ACTR3C: variants seen among roughly 807,000 people sequenced by gnomAD.
ACTR3C encodes the protein actin related protein 3C, also known as actin-related protein 3C.
A neutral mutation model predicts 26.3 loss-of-function variants in ACTR3C; 18 were observed. The ratio of observed to expected loss-of-function variants is 0.68; its 90% CI spans 0.47 to 1.01. The LOEUF is 1.01. Ranked by LOEUF, ACTR3C falls within the 50% of genes least tolerant of loss-of-function variation. The probability of loss-of-function intolerance (pLI) is 0.00; values close to 1 mark genes in which losing one functional copy is unlikely to be tolerated. For synonymous variants in ACTR3C, 55 were observed against 94.5 expected (o/e 0.58, Z 2.42); for missense variants, 184 against 250.7 (o/e 0.73, Z 1.80).
chr7:150,098,681 G>GT, the ACTR3C span, among the ~76,000 whole-genome samples: 2 of 151,740 alleles, frequency 1.3e-5, no homozygotes, highest in East Asian at 3.9e-4. Context: ...TACGTAAATG[G>GT]TAAGTACCAA....
the ACTR3C span, among the ~76,000 whole-genome samples, chr7:150,130,861 C>G: frequency 6.6e-6 from 1 of 152,246 alleles, no homozygotes; most frequent in South Asian, 2.1e-4. Context: ...AGGTACTATA[C>G]TGAGAAGGAG....
the ACTR3C span, among the ~76,000 whole-genome samples, chr7:150,164,145 T>C: frequency 1.3e-5 from 2 of 152,142 alleles, no homozygotes; most frequent in Non-Finnish European, 2.9e-5. Flanking sequence ...CAGGGCCTTG[T>C]GAGCTGTTGT....
the ACTR3C span, among the ~76,000 whole-genome samples, chr7:150,039,381 C>A: frequency 6.2e-5 from 6 of 97,026 alleles, no homozygotes; most frequent in Non-Finnish European, 1.3e-4. Context: ...CGATGGGGGT[C>A]CTAAGAACCC....
At chr7:150,219,863 G>A in the ACTR3C span, among the ~76,000 whole-genome samples, 23 of 145,028 alleles carry the variant, frequency 1.6e-4, no homozygotes, top group Admixed American at 2.6e-4. Flanking sequence ...GCCCAGGGGG[G>A]TCTGATTGTG....
chr7:149,945,318 A>ACAGGCTGCAGGGTCTGGGGG, the ACTR3C span, among the ~76,000 whole-genome samples: 4 of 118,862 alleles, frequency 3.4e-5, no homozygotes, highest in African/African-American at 5.9e-5. Context: ...TCCATCAGTG[A>ACAGGCTGCAGGGTCTGGGGG]CAACCTCCCA....
chr7:149,918,480 C>T, the ACTR3C span, among the ~76,000 whole-genome samples: 4,755 of 152,292 alleles, frequency 0.031, 259 homozygotes, highest in African/African-American at 0.11. Flanking sequence ...CACCTGAGGT[C>T]GGGAGTTCGA....
chr7:149,990,938 G>T, the ACTR3C span, among the ~76,000 whole-genome samples: 1 of 152,202 alleles, frequency 6.6e-6, no homozygotes, highest in Non-Finnish European at 1.5e-5. Flanking sequence ...GCGAGTCGGG[G>T]CCATGCCCTG....
the ACTR3C span, among the ~76,000 whole-genome samples, chr7:150,042,772 G>C: frequency 6.6e-6 from 1 of 151,536 alleles, no homozygotes; most frequent in Non-Finnish European, 1.5e-5. Context: ...AACCTGTCTA[G>C]TTGTTTAGAG....
At chr7:150,258,583 T>C (rs1426201031) in intron 6 of ACTR3C, among the ~76,000 whole-genome samples, 5 of 152,258 alleles carry the variant, frequency 3.3e-5, no homozygotes, top group African/African-American at 1.2e-4. Flanking sequence ...CTGACGTCCT[T>C]AGTAATTGTA....
At chr7:149,964,478 C>T in the ACTR3C span, among the ~76,000 whole-genome samples, 1 of 152,074 alleles carries the variant, frequency 6.6e-6, no homozygotes, top group Non-Finnish European at 1.5e-5. Context: ...ATGGTAATTT[C>T]AGATTACAGA....
At chr7:150,221,824 C>G in the ACTR3C span, among the ~76,000 whole-genome samples, 1 of 151,994 alleles carries the variant, frequency 6.6e-6, no homozygotes, top group Non-Finnish European at 1.5e-5. Context: ...GAAACCCCGT[C>G]TCTACTAAAA....
chr7:149,906,275 G>A, the ACTR3C span, among the ~76,000 whole-genome samples: 4,033 of 151,828 alleles, frequency 0.027, 75 homozygotes, highest in Non-Finnish European at 0.041. Context: ...AAGAAAAGAG[G>A]AAAAGAAGAG....
chr7:150,067,645 A>C, the ACTR3C span, among the ~76,000 whole-genome samples: 2 of 152,056 alleles, frequency 1.3e-5, no homozygotes, highest in African/African-American at 4.8e-5. Context: ...GTTTAGCAGT[A>C]CTGTTGCTTA....
chr7:150,175,108 GAATA>G, the ACTR3C span, among the ~76,000 whole-genome samples: 6,711 of 126,666 alleles, frequency 0.053, 452 homozygotes, highest in African/African-American at 0.15. Context: ...AATAATGAAA[GAATA>G]AATAAAGTAT....
chr7:150,131,536 A>G, the ACTR3C span, among the ~76,000 whole-genome samples: 1 of 152,174 alleles, frequency 6.6e-6, no homozygotes, highest in African/African-American at 2.4e-5. Flanking sequence ...GTATTTATTC[A>G]AGAAAAAAAA....
chr7:150,035,491 G>A, the ACTR3C span, among the ~76,000 whole-genome samples: 10 of 121,952 alleles, frequency 8.2e-5, no homozygotes, highest in African/African-American at 2.2e-4. Context: ...AGCCAGGGGC[G>A]GAAGAGGGGA....
the ACTR3C span, among the ~76,000 whole-genome samples, chr7:150,115,191 A>ATATAATC: frequency 6.6e-6 from 1 of 152,220 alleles, no homozygotes; most frequent in African/African-American, 2.4e-5. Context: ...ATGCCTGTCA[A>ATATAATC]TATAATCTAC....
At chr7:150,203,750 A>G in the ACTR3C span, among the ~76,000 whole-genome samples, 1 of 152,086 alleles carries the variant, frequency 6.6e-6, no homozygotes, top group Non-Finnish European at 1.5e-5. Context: ...TATTTTTAGT[A>G]GAGACGGGGT....
the ACTR3C span, among the ~76,000 whole-genome samples, chr7:150,141,109 G>A: frequency 6.6e-6 from 1 of 152,220 alleles, no homozygotes; most frequent in Non-Finnish European, 1.5e-5. Flanking sequence ...AAGAAAAGCT[G>A]GAAGCTAGCA....
Sources: allele counts gnomAD v4.1 joint callset (sites outside exome capture counted in the v4.1 genomes callset), GRCh38; gene constraint gnomAD v4.1.1; transcripts MANE v1.5; gene names NCBI Gene and HGNC (gene_info 2026-07-23, HGNC 2026-07-21).